NUAK1: variants seen among roughly 807,000 people sequenced by gnomAD.
The protein encoded by NUAK1 is NUAK family SNF1-like kinase 1.
A neutral mutation model predicts 56.9 loss-of-function variants in NUAK1; 26 were observed. That is an observed-to-expected ratio of 0.46 (90% CI 0.33 to 0.63). The LOEUF (loss-of-function observed/expected upper bound fraction) is 0.63. Ranked by LOEUF, NUAK1 falls within the 30% of genes least tolerant of loss-of-function variation. The pLI is 0.02. For synonymous variants in NUAK1, 337 were observed against 336.0 expected (o/e 1.00, Z -0.03); for missense variants, 727 against 876.1 (o/e 0.83, Z 2.15).
intron 1 of NUAK1, among the ~76,000 whole-genome samples, chr12:106,132,972 T>C (rs1205149749): frequency 6.6e-6 from 1 of 152,220 alleles, no homozygotes; most frequent in East Asian, 1.9e-4. Context: ...TTAACCTCTC[T>C]GTGAGTCAGG....
intron 1 of NUAK1, among the ~76,000 whole-genome samples, chr12:106,117,784 A>G (rs1469817039): frequency 2.6e-5 from 4 of 152,224 alleles, no homozygotes; most frequent in Non-Finnish European, 5.9e-5. Flanking sequence ...TCCATGCTAC[A>G]CAATGACAGT....
chr12:106,106,250 T>TA, intron 2 of NUAK1, 155 bp downstream of exon 2: 1 of 615,546 alleles, frequency 1.6e-6, no homozygotes, highest in Admixed American at 3.2e-5. Context: ...GTGTTCAAGG[T>TA]AACCAAGTAA....
chr12:106,085,013 A>G (rs548994089), intron 3 of NUAK1, among the ~76,000 whole-genome samples: 9 of 152,336 alleles, frequency 5.9e-5, no homozygotes, highest in African/African-American at 1.7e-4. Flanking sequence ...GAAAACATGT[A>G]TTTCTACTAA....
At chr12:106,072,953 G>T in intron 4 of NUAK1, 110 bp from the exon 5 acceptor site, 2 of 1,293,408 alleles carry the variant, frequency 1.5e-6, no homozygotes, top group Non-Finnish European at 2.2e-6. Flanking sequence ...CACCTGGGTG[G>T]GTCTGCTGGC....
At chr12:106,085,463 T>C (rs1056554420) in intron 3 of NUAK1, among the ~76,000 whole-genome samples, 2 of 152,204 alleles carry the variant, frequency 1.3e-5, no homozygotes, top group South Asian at 2.1e-4. Context: ...GGAGGCCCCA[T>C]GTTGAGATCA....
At chr12:106,098,262 C>T (rs1012360229) in intron 2 of NUAK1, among the ~76,000 whole-genome samples, 17 of 152,140 alleles carry the variant, frequency 1.1e-4, no homozygotes, top group African/African-American at 3.6e-4. Flanking sequence ...TGATAGTGCA[C>T]TCATCCAAAG....
chr12:106,111,456 C>T (rs1320746632), intron 1 of NUAK1, among the ~76,000 whole-genome samples: 1 of 151,982 alleles, frequency 6.6e-6, no homozygotes, highest in Non-Finnish European at 1.5e-5. Context: ...GGTTGTATGT[C>T]GTCGAGGCTC....
chr12:106,104,417 A>G (rs536747608), intron 2 of NUAK1, among the ~76,000 whole-genome samples: 1 of 152,200 alleles, frequency 6.6e-6, no homozygotes, highest in Non-Finnish European at 1.5e-5. Context: ...TGTGGGGTCC[A>G]TATCACATTC....
In NUAK1 at chr12:106,096,542, C is replaced by T. The variant is rs144691363; in HGVS notation, c.362-9657G>A. ...CTTCATGTGGAACGTGTGAATCTGGCGGCAGAGGGAGTGTGTTAAAATGCT... is the reference window on the plus strand; with the variant it reads ...CTTCATGTGGAACGTGTGAATCTGGTGGCAGAGGGAGTGTGTTAAAATGCT... On this transcript the variant is annotated intron_variant, in intron 2 of 6. Coordinates refer to ENST00000261402, the MANE Select transcript of NUAK1 (RefSeq NM_014840.3). Among the ~76,000 whole-genome samples, 8 of 152,216 alleles carry T rather than the reference C, an allele frequency of 5.3e-5. No homozygotes were observed. In the East Asian group the frequency reaches 5.8e-4, roughly 11 times the overall value.
At chr12:106,089,552 G>A (rs1259770712) in intron 2 of NUAK1, among the ~76,000 whole-genome samples, 2 of 152,222 alleles carry the variant, frequency 1.3e-5, no homozygotes, top group Non-Finnish European at 2.9e-5. Context: ...AGCCCTTTGG[G>A]AGGCTGAAGC....
intron 1 of NUAK1, among the ~76,000 whole-genome samples, chr12:106,123,766 C>A (rs980148480): frequency 6.6e-6 from 1 of 152,168 alleles, no homozygotes. Flanking sequence ...GATCACACCA[C>A]CATCTGCAAA....
chr12:106,089,307 G>C (rs1421129357), intron 2 of NUAK1, among the ~76,000 whole-genome samples: 2 of 152,254 alleles, frequency 1.3e-5, no homozygotes, highest in African/African-American at 2.4e-5. Flanking sequence ...TTCAGCGACT[G>C]TCGGGAGGTG....
Position 106,067,301 on chromosome 12 carries a change from ACAT to A in NUAK1, c.1484_1486del (p.Asp495del), listed in dbSNP as rs1167549473. ...GGGGGAGGGGATGCTGCTGCCCATC[ACAT>A]CATTACTGTCCAACAGCTCCGAAGA... On this transcript the variant is annotated inframe_deletion, in exon 7 of 7. Coordinates refer to ENST00000261402, the MANE Select transcript of NUAK1 (RefSeq NM_014840.3). This position sits in a 1 kb window ranked among gnomAD's most constrained non-coding sequence, Gnocchi z 6.0. The A allele has an allele frequency of 4.3e-6, 7 of 1,614,134 alleles. No individual in the cohort carries two copies. Among genetic ancestry groups the A allele is most frequent in the Non-Finnish European group, 5.9e-6 (7 of 1,179,998 alleles).
intron 2 of NUAK1, among the ~76,000 whole-genome samples, chr12:106,097,652 C>T (rs2032708570): frequency 6.6e-6 from 1 of 152,172 alleles, no homozygotes; most frequent in South Asian, 2.1e-4. Flanking sequence ...GAAATACAGC[C>T]CTGCTTTTGT....
chr12:106,066,987 A>G lies in NUAK1; in HGVS notation c.1801T>C (p.Cys601Arg). ...TGGAGGAAGTTTTCTGCAGAGACGC[A>G]GCTGCGGATGCGCTGGCGGGCAGGG... ...NRPARQRIRS[C>R]VSAENFLQIQ... is the part of the protein sequence containing the mutation. Residue 601 changes from cysteine (C) to arginine (R), a missense_variant, in exon 7 of 7, where the codon TGC becomes CGC. Coordinates refer to ENST00000261402, the MANE Select transcript of NUAK1 (RefSeq NM_014840.3). The G allele has an allele frequency of 6.2e-7, 1 of 1,614,214 alleles. No homozygotes were observed. Among genetic ancestry groups the G allele is most frequent in the Non-Finnish European group, 8.5e-7 (1 of 1,180,042 alleles).
chr12:106,087,841 C>T (rs2032589688), intron 2 of NUAK1, among the ~76,000 whole-genome samples: 1 of 152,210 alleles, frequency 6.6e-6, no homozygotes, highest in South Asian at 2.1e-4. Context: ...ATGAGATGGC[C>T]TCCCAAAGAG....
In NUAK1 at chr12:106,138,657, C is replaced by A; in HGVS notation, c.-4G>T. ...CAGGCGCGGCGGCCCCTTCCATGTC[C>A]AAGCGCGGGGCGAGCCGGGCTACAG... On this transcript the variant is annotated 5_prime_UTR_variant, in exon 1 of 7. Transcript: ENST00000261402. This position sits in a 1 kb window ranked among gnomAD's most constrained non-coding sequence, Gnocchi z 5.0. The A allele has an allele frequency of 6.6e-7, 1 of 1,522,034 alleles. No homozygotes were observed. The allele number at this position is 1,522,034 out of a possible 1,614,324, so 94.3% of individuals were successfully genotyped here.
chr12:106,130,233 C>T (rs975373815), intron 1 of NUAK1, among the ~76,000 whole-genome samples: 4 of 152,184 alleles, frequency 2.6e-5, no homozygotes, highest in Non-Finnish European at 1.5e-5. Flanking sequence ...CCACCCACTT[C>T]GGCCTCCCCA....
At position 106,138,589 on chromosome 12, in the gene NUAK1, G is replaced by C. The variant is rs369767838; in HGVS notation, c.65C>G (p.Ser22Cys). ...RPDLGLGAPG[S>C]PREAVAGATA... is the part of the protein sequence containing the mutation. ...CGCCCCCGCCACCGCCTCTCGGGGA[G>C]AGCCCGGCGCCCCCAGCCCCAAGTC... is the stretch of plus-strand genomic sequence containing the variant. Residue 22 changes from serine to cysteine, a missense_variant, in exon 1 of 7, where the codon TCT becomes TGT. Coordinates refer to ENST00000261402, the MANE Select transcript of NUAK1 (RefSeq NM_014840.3). The surrounding 1 kb of genome is among the most constrained non-coding windows in gnomAD (Gnocchi z 5.0). 5.7e-6 allele frequency: 9 copies of C among 1,587,572 alleles called. No homozygotes were observed. The highest frequency in any genetic ancestry group is 1.7e-5 in the Admixed American group (1 of 57,732).
Sources: gnomAD v4.1 joint callset for allele counts (sites outside exome capture counted in the v4.1 genomes callset) on GRCh38, gnomAD v4.1.1 for gene constraint, Gnocchi (gnomAD v3.1) non-coding constraint, MANE v1.5 for transcripts, NCBI Gene and HGNC (gene_info 2026-07-23, HGNC 2026-07-21) for gene names.